The following BMAL1 variants were observed in gnomAD, a reference collection of about 807,000 sequenced individuals.
The protein encoded by BMAL1 is basic helix-loop-helix ARNT like 1.
chr11:13,381,476 G>C, the BMAL1 span, among the ~76,000 whole-genome samples: 1 of 152,220 alleles, frequency 6.6e-6, no homozygotes. Context: ...AGTGGAAGAA[G>C]GGAGAAAGAA....
the BMAL1 span, chr11:13,356,211 A>T: frequency 2.2e-6 from 1 of 453,540 alleles, no homozygotes; most frequent in Non-Finnish European, 4.4e-6. Context: ...ATTTGGCAGT[A>T]GTGCCTTTGA....
the BMAL1 span, chr11:13,354,415 A>G: frequency 6.2e-7 from 1 of 1,614,066 alleles, no homozygotes; most frequent in Non-Finnish European, 8.5e-7. Context: ...GTGGATTGCA[A>G]CCGCAAACGG....
chr11:13,289,085 G>T, the BMAL1 span, among the ~76,000 whole-genome samples: 1 of 152,224 alleles, frequency 6.6e-6, no homozygotes, highest in African/African-American at 2.4e-5. Context: ...AACTGAGCCT[G>T]ACTCCTTATC....
At chr11:13,375,828 G>A in the BMAL1 span, 1 of 1,446,048 alleles carries the variant, frequency 6.9e-7, no homozygotes, top group Non-Finnish European at 9.2e-7. Context: ...TCCTCATCTG[G>A]GAAATGGGGT....
the BMAL1 span, chr11:13,374,211 G>C: frequency 6.2e-7 from 1 of 1,609,440 alleles, no homozygotes; most frequent in East Asian, 2.2e-5. Context: ...GGTAAGCTAG[G>C]ATGTATGAAA....
chr11:13,287,808 A>G, the BMAL1 span, among the ~76,000 whole-genome samples: 1 of 152,236 alleles, frequency 6.6e-6, no homozygotes, highest in African/African-American at 2.4e-5. Flanking sequence ...CACATTAACT[A>G]AAAGAAAACT....
the BMAL1 span, among the ~76,000 whole-genome samples, chr11:13,301,483 G>A: frequency 1.3e-5 from 2 of 152,192 alleles, no homozygotes; most frequent in Non-Finnish European, 2.9e-5. Flanking sequence ...GGGAGAGTCA[G>A]CTCCATCCTT....
At chr11:13,357,010 C>G in the BMAL1 span, 12 of 1,613,748 alleles carry the variant, frequency 7.4e-6, no homozygotes, top group Non-Finnish European at 1.0e-5. This position sits in a 1 kb window ranked among gnomAD's most constrained non-coding sequence, Gnocchi z 4.8. Context: ...TGCCATTCAT[C>G]TCCAGAGAAT....
At chr11:13,351,390 G>A in the BMAL1 span, among the ~76,000 whole-genome samples, 2 of 148,038 alleles carry the variant, frequency 1.4e-5, no homozygotes, top group Non-Finnish European at 3.0e-5. Flanking sequence ...TGGAGATAGA[G>A]TTTTGGTTAT....
the BMAL1 span, among the ~76,000 whole-genome samples, chr11:13,281,156 G>C: frequency 3.3e-5 from 5 of 152,140 alleles, no homozygotes; most frequent in Admixed American, 2.6e-4. Context: ...CCTATCACTA[G>C]AATATTATTT....
At chr11:13,346,671 C>T in the BMAL1 span, among the ~76,000 whole-genome samples, 1 of 152,230 alleles carries the variant, frequency 6.6e-6, no homozygotes. Context: ...AGGGTGCCCT[C>T]TCACATTCTT....
At chr11:13,382,114 G>C in the BMAL1 span, among the ~76,000 whole-genome samples, 1 of 152,184 alleles carries the variant, frequency 6.6e-6, no homozygotes, top group Non-Finnish European at 1.5e-5. Context: ...GTGTTACCAG[G>C]TGGGATGGGC....
the BMAL1 span, chr11:13,386,646 A>G: frequency 4.3e-6 from 7 of 1,614,068 alleles, no homozygotes; most frequent in African/African-American, 6.7e-5. Flanking sequence ...CCAAGGATCA[A>G]GTAGTCCCAG....
chr11:13,280,602 C>T, the BMAL1 span, among the ~76,000 whole-genome samples: 1 of 152,206 alleles, frequency 6.6e-6, no homozygotes, highest in African/African-American at 2.4e-5. Context: ...AAAGTAGGTA[C>T]TTGCAGGGAA....
At chr11:13,363,109 G>A in the BMAL1 span, among the ~76,000 whole-genome samples, 1 of 131,588 alleles carries the variant, frequency 7.6e-6, no homozygotes, top group Non-Finnish European at 1.6e-5. Context: ...TTAAGAAAAA[G>A]AATCTATGTC....
At chr11:13,345,436 T>G in the BMAL1 span, among the ~76,000 whole-genome samples, 3 of 152,222 alleles carry the variant, frequency 2.0e-5, no homozygotes, top group Non-Finnish European at 4.4e-5. Flanking sequence ...GCCAGGAAGC[T>G]CAGAGATAAC....
At chr11:13,360,451 C>T in the BMAL1 span, 4 of 1,593,658 alleles carry the variant, frequency 2.5e-6, no homozygotes, top group African/African-American at 5.4e-5. Context: ...GATTGTTTTA[C>T]AACGTTTGTT....
At chr11:13,337,352 A>G in the BMAL1 span, among the ~76,000 whole-genome samples, 4 of 152,180 alleles carry the variant, frequency 2.6e-5, no homozygotes, top group East Asian at 5.8e-4. Context: ...TTTTTCACCA[A>G]TGTATATCAA....
At chr11:13,371,401 A>G in the BMAL1 span, among the ~76,000 whole-genome samples, 20 of 152,246 alleles carry the variant, frequency 1.3e-4, no homozygotes, top group African/African-American at 4.8e-4. Flanking sequence ...CAACAGTTTG[A>G]TCTCAGAAAT....
Sources: allele counts gnomAD v4.1 joint callset (sites outside exome capture counted in the v4.1 genomes callset), GRCh38; gene constraint gnomAD v4.1.1; non-coding constraint Gnocchi (gnomAD v3.1); transcripts MANE v1.5; gene names NCBI Gene and HGNC (gene_info 2026-07-23, HGNC 2026-07-21).